Variants in RBFOX1 observed in about 807,000 individuals in gnomAD.
RBFOX1 encodes RNA binding fox-1 homolog 1, also known as RNA binding protein fox-1 homolog 1.
Under a neutral mutation model 57.7 loss-of-function variants are expected in RBFOX1, and 8 were observed. That is an observed-to-expected ratio of 0.14 (90% confidence interval 0.08 to 0.25). The LOEUF is 0.25. RBFOX1 is among the 10% of genes least tolerant of loss of function. RBFOX1 has a pLI of 1.00. For missense variants in RBFOX1, 611 were observed against 548.5 expected, an observed-to-expected ratio of 1.11 and a Z score of -1.14; for synonymous variants, 326 against 222.4, an observed-to-expected ratio of 1.47 and a Z score of -4.15.
intron 3 of RBFOX1, among the ~76,000 whole-genome samples, chr16:6,845,993 C>G (rs1215839705): frequency 1.3e-5 from 2 of 152,224 alleles, no homozygotes; most frequent in Non-Finnish European, 2.9e-5. Context: ...ATCAATGCAT[C>G]TCTGTAAAAT....
In RBFOX1 at chr16:5,755,578, C is replaced by A. The variant is rs150420877; in HGVS notation, c.319-111725C>A. Among the ~76,000 whole-genome samples the A allele has an allele frequency of 4.7e-3, 723 of 152,258 alleles. 2 individuals carry two copies. Among genetic ancestry groups the A allele is most frequent in the African/African-American group, 0.016 (664 of 41,546 alleles). ...CCATGGGCATCTATTTGATCAACTT[C>A]CATCTAATTACTTTTGTTTGTTTGT... is the stretch of plus-strand genomic sequence containing the variant. On this transcript the variant is annotated intron_variant, in intron 3 of 19. Coordinates refer to the RBFOX1 transcript ENST00000641259.
chr16:6,987,668 G>T (rs1369067807), intron 3 of RBFOX1, among the ~76,000 whole-genome samples: 2 of 152,180 alleles, frequency 1.3e-5, no homozygotes, highest in Non-Finnish European at 1.5e-5. Context: ...CTGACCTGCA[G>T]TTCACAATCT....
At chr16:5,534,333 G>A (rs11647549) in intron 2 of RBFOX1, among the ~76,000 whole-genome samples, 43,383 of 152,022 alleles carry the variant, frequency 0.29, 6,896 homozygotes, top group Non-Finnish European at 0.36. Context: ...TGACTCATAC[G>A]ATCAGAAAGT....
intron 4 of RBFOX1, among the ~76,000 whole-genome samples, chr16:7,440,642 C>T (rs1215032775): frequency 3.9e-5 from 6 of 152,206 alleles, no homozygotes; most frequent in African/African-American, 1.4e-4. Context: ...TTATTTTTAG[C>T]CTCACAGGTT....
At chr16:6,314,128 A>G (rs558135061) in intron 1 of RBFOX1, among the ~76,000 whole-genome samples, 66 of 152,300 alleles carry the variant, frequency 4.3e-4, no homozygotes, top group Non-Finnish European at 2.2e-4. Flanking sequence ...CGGTAGCACC[A>G]AAGAAGGCCC....
intron 4 of RBFOX1, among the ~76,000 whole-genome samples, chr16:7,357,191 C>G (rs1488195815): frequency 1.3e-5 from 2 of 150,178 alleles, no homozygotes; most frequent in Non-Finnish European, 2.9e-5. Context: ...CAAGCATACA[C>G]GCAGTTTTGA....
chr16:7,100,941 A>G (rs769697857), intron 4 of RBFOX1, among the ~76,000 whole-genome samples: 4 of 152,164 alleles, frequency 2.6e-5, no homozygotes, highest in Non-Finnish European at 5.9e-5. Context: ...TTTAAGTGAA[A>G]GTGATTGTAC....
chr16:6,744,797 A>AG (rs2073178356), intron 3 of RBFOX1, among the ~76,000 whole-genome samples: 4 of 152,104 alleles, frequency 2.6e-5, no homozygotes, highest in Non-Finnish European at 5.9e-5. Flanking sequence ...TAGAAAAAGA[A>AG]GGTGAACTAA....
chr16:7,138,389 C>T (rs1459618280), intron 4 of RBFOX1, among the ~76,000 whole-genome samples: 2 of 152,132 alleles, frequency 1.3e-5, no homozygotes, highest in Non-Finnish European at 2.9e-5. Flanking sequence ...GTCACATGGG[C>T]AAGTCATGTA....
chr16:6,305,954 A>C (rs1218678671), intron 1 of RBFOX1, among the ~76,000 whole-genome samples: 1 of 152,148 alleles, frequency 6.6e-6, no homozygotes, highest in African/African-American at 2.4e-5. Flanking sequence ...CTGTCAGTGC[A>C]GGGTGGTCCA....
intron 3 of RBFOX1, among the ~76,000 whole-genome samples, chr16:6,684,333 A>G (rs1288444086): frequency 6.6e-6 from 1 of 152,212 alleles, no homozygotes; most frequent in Non-Finnish European, 1.5e-5. Context: ...GAAGACAGGT[A>G]TGCTTTTATA....
intron 3 of RBFOX1, among the ~76,000 whole-genome samples, chr16:5,744,192 A>G (rs1202790356): frequency 6.6e-6 from 1 of 151,864 alleles, no homozygotes; most frequent in Non-Finnish European, 1.5e-5. Flanking sequence ...CTTATCTTCC[A>G]CCTCACTCAT....
At chr16:6,125,498 G>A (rs540789307) in intron 1 of RBFOX1, among the ~76,000 whole-genome samples, 2 of 152,232 alleles carry the variant, frequency 1.3e-5, no homozygotes, top group East Asian at 3.9e-4. Flanking sequence ...GTTTTACAAG[G>A]GGCCCTAAAC....
chr16:6,934,850 C>T (rs1230263924), intron 3 of RBFOX1, among the ~76,000 whole-genome samples: 2 of 152,150 alleles, frequency 1.3e-5, no homozygotes, highest in African/African-American at 4.8e-5. Flanking sequence ...CTTTGGAAGG[C>T]CGAGGCTGGC....
intron 4 of RBFOX1, among the ~76,000 whole-genome samples, chr16:5,928,067 C>T (rs1461823307): frequency 2.6e-5 from 4 of 152,004 alleles, no homozygotes; most frequent in Non-Finnish European, 5.9e-5. Context: ...TTTGAAATAG[C>T]TGAATAAATG....
chr16:5,932,518 C>T (rs1376444728), intron 4 of RBFOX1, among the ~76,000 whole-genome samples: 2 of 152,168 alleles, frequency 1.3e-5, no homozygotes, highest in African/African-American at 2.4e-5. Flanking sequence ...TAGACATCTG[C>T]CCTTACAGAA....
intron 3 of RBFOX1, among the ~76,000 whole-genome samples, chr16:6,698,268 A>G (rs958671138): frequency 6.6e-6 from 1 of 152,188 alleles, no homozygotes; most frequent in African/African-American, 2.4e-5. Context: ...TCCACAGAAG[A>G]TATGGGGGGT....
intron 1 of RBFOX1, among the ~76,000 whole-genome samples, chr16:6,084,602 G>T (rs547915859): frequency 6.6e-6 from 1 of 151,402 alleles, no homozygotes; most frequent in Non-Finnish European, 1.5e-5. Flanking sequence ...CCTTTATAAC[G>T]GTTTGCTAGT....
At chr16:5,558,898 C>T (rs757754315) in intron 2 of RBFOX1, among the ~76,000 whole-genome samples, 15 of 152,122 alleles carry the variant, frequency 9.9e-5, no homozygotes, top group Non-Finnish European at 1.9e-4. Flanking sequence ...TTAAAATGTG[C>T]AGTGTCTGGG....
Sources: allele counts gnomAD v4.1 joint callset (sites outside exome capture counted in the v4.1 genomes callset), GRCh38; gene constraint gnomAD v4.1.1; transcripts MANE v1.5; gene names NCBI Gene and HGNC (gene_info 2026-07-23, HGNC 2026-07-21).